Variants in SLC6A11 observed in about 807,000 individuals in gnomAD.
SLC6A11 encodes the protein sodium- and chloride-dependent GABA transporter 3.
SLC6A11 carries 25 observed loss-of-function variants against 74.8 expected under a neutral mutation model. The observed-to-expected ratio is 0.33, with a 90% CI of 0.24 to 0.47. The LOEUF is 0.47. Ranked by LOEUF, SLC6A11 falls within the 20% of genes least tolerant of loss-of-function variation. The pLI, the probability that SLC6A11 is intolerant of heterozygous loss-of-function variation, is 1.00. For synonymous variants in SLC6A11, 330 were observed against 330.2 expected, an observed-to-expected ratio of 1.00 and a Z score of 0.01; for missense variants, 574 against 837.0, an observed-to-expected ratio of 0.69 and a Z score of 3.88.
rs775400339 is a variant in SLC6A11 at position 10,929,283 on chromosome 3, C to T, written c.1315C>T (p.Leu439Phe). 1.2e-6 allele frequency: 2 copies of T among 1,614,136 alleles called. No homozygotes were observed. Among genetic ancestry groups the T allele is most frequent in the Non-Finnish European group, 1.7e-6 (2 of 1,180,002 alleles). Reference sequence around the variant, plus strand: ...CCGGAGGGGTTACCGGCGGGAGCTGCTCATCCTAGCCTTGTCTGTTATCTC... The same window carrying T: ...CCGGAGGGGTTACCGGCGGGAGCTGTTCATCCTAGCCTTGTCTGTTATCTC... ...VFRRGYRREL[L>F]ILALSVISYF... Residue 439 changes from leucine to phenylalanine, a missense_variant, in exon 10 of 14, where the codon CTC (leucine) becomes TTC (phenylalanine). By Grantham distance (22) the Leu-to-Phe change is conservative (BLOSUM62 0). This residue lies in a region of SLC6A11 where 257 missense variants were observed against 341.5 expected (regional missense o/e 0.75). Transcript: ENST00000254488.
intron 6 of SLC6A11, among the ~76,000 whole-genome samples, chr3:10,905,575 G>A (rs1480109813): frequency 6.6e-6 from 1 of 152,188 alleles, no homozygotes; most frequent in Non-Finnish European, 1.5e-5. Context: ...GAGTAACCTA[G>A]CAGTAATTAT....
rs1216313078 is a variant in SLC6A11, at chr3:10,873,807, GCTATCCTATC to G, written c.757-1139_757-1130del. On this transcript the variant is annotated intron_variant, in intron 5 of 13. Coordinates refer to ENST00000254488, the MANE Select transcript of SLC6A11 (RefSeq NM_014229.3). ...CCTATCCTATCCTATCCTATCCTAT[GCTATCCTATC>G]CTATCCTATCCTATAGTATGCTCTG... is the stretch of plus-strand genomic sequence containing the variant. Among the ~76,000 whole-genome samples, 13 of 131,944 alleles carry G rather than the reference GCTATCCTATC, an allele frequency of 9.9e-5. 1 individual carries two copies. Among genetic ancestry groups the G allele is most frequent in the Admixed American group, 6.8e-4 (9 of 13,274 alleles). 86.6% of individuals were successfully genotyped at this position (131,944 alleles called of 152,430 possible).
chr3:10,913,516 T>C (rs539615635), intron 7 of SLC6A11, among the ~76,000 whole-genome samples: 3 of 152,354 alleles, frequency 2.0e-5, no homozygotes, highest in Non-Finnish European at 4.4e-5. Flanking sequence ...TTTAAAAAAT[T>C]GTTAATACAA....
At chr3:10,890,817 C>T (rs189851991) in intron 6 of SLC6A11, among the ~76,000 whole-genome samples, 1 of 152,276 alleles carries the variant, frequency 6.6e-6, no homozygotes, top group East Asian at 1.9e-4. Context: ...CTCTCTTAGT[C>T]TGTGTATTTC....
At chr3:10,862,575 T>G (rs1004716211) in intron 5 of SLC6A11, among the ~76,000 whole-genome samples, 1 of 152,116 alleles carries the variant, frequency 6.6e-6, no homozygotes, top group Non-Finnish European at 1.5e-5. Context: ...TCCTTGGAGG[T>G]GATTTTTCCC....
intron 5 of SLC6A11, among the ~76,000 whole-genome samples, chr3:10,847,798 G>A (rs73035902): frequency 0.083 from 12,678 of 152,162 alleles, 810 homozygotes; most frequent in African/African-American, 0.17. Flanking sequence ...CTTTGGAGAC[G>A]AGCCCAGCAT....
At chr3:10,821,140 A>G (rs762197474) in intron 3 of SLC6A11, among the ~76,000 whole-genome samples, 4 of 152,184 alleles carry the variant, frequency 2.6e-5, no homozygotes, top group Non-Finnish European at 4.4e-5. Context: ...ACTCATAGAA[A>G]TGTTTATCAA....
chr3:10,900,066 TGGGGG>T (rs1401261364), intron 6 of SLC6A11, among the ~76,000 whole-genome samples: 162 of 152,214 alleles, frequency 1.1e-3, no homozygotes, highest in African/African-American at 3.8e-3. Flanking sequence ...TGGGCAGAAA[TGGGGG>T]TTGGATGTGC....
In SLC6A11 at chr3:10,873,440, C is replaced by T. The variant is rs1449107321; in HGVS notation, c.757-1521C>T. ...CTATCCTATCCTATCCTATCCTATC[C>T]TATCCTATCCTATGGCATGCTATCC... is the stretch of plus-strand genomic sequence containing the variant. On this transcript the variant is annotated intron_variant, in intron 5 of 13. Coordinates refer to ENST00000254488, the MANE Select transcript of SLC6A11 (RefSeq NM_014229.3). Among the ~76,000 whole-genome samples, 3 of 151,478 alleles carry T rather than the reference C, an allele frequency of 2.0e-5. No homozygotes were observed. The South Asian group carries it at 6.3e-4, about 32-fold the overall frequency.
At chr3:10,884,900 TTCACTTATCTGCTTTAGTTTGTCAGTCCC>T (rs1695024778) in intron 6 of SLC6A11, among the ~76,000 whole-genome samples, 1 of 152,230 alleles carries the variant, frequency 6.6e-6, no homozygotes, top group African/African-American at 2.4e-5. Flanking sequence ...TTATTCTTTC[TTCACTTATCTGCTTTAGTTTGTCAGTCCC>T]CCACTTTGAG....
chr3:10,855,278 T>C (rs1694625581), intron 5 of SLC6A11, among the ~76,000 whole-genome samples: 1 of 152,136 alleles, frequency 6.6e-6, no homozygotes, highest in Non-Finnish European at 1.5e-5. Context: ...GCTCTAAAGG[T>C]TTAAGTAATG....
At chr3:10,852,677 A>G (rs974454815) in intron 5 of SLC6A11, among the ~76,000 whole-genome samples, 1 of 152,206 alleles carries the variant, frequency 6.6e-6, no homozygotes, top group South Asian at 2.1e-4. Flanking sequence ...GCGCCTGTGC[A>G]GCGCTGTCCC....
intron 6 of SLC6A11, among the ~76,000 whole-genome samples, chr3:10,895,122 G>A (rs1695155356): frequency 6.6e-6 from 1 of 152,166 alleles, no homozygotes; most frequent in Admixed American, 6.5e-5. Flanking sequence ...CAGCCTGGAA[G>A]TGCCCAGTAA....
At chr3:10,825,851 G>A (rs1396304002) in intron 4 of SLC6A11, among the ~76,000 whole-genome samples, 1 of 152,136 alleles carries the variant, frequency 6.6e-6, no homozygotes, top group Non-Finnish European at 1.5e-5. Context: ...GCACAAGTCT[G>A]TGTTTGGGCT....
chr3:10,816,565 G>T lies in SLC6A11; in HGVS notation c.256+44G>T, dbSNP rs761049580. The stretch of plus-strand genomic sequence containing the variant: ...GAAGGGGAGGGGGCGCCAACCGCCC[G>T]GTGGGGGCGGGGAGCCAGGGGCGAG... On this transcript the variant is annotated intron_variant, in intron 1 of 13. Coordinates refer to ENST00000254488, the MANE Select transcript of SLC6A11 (RefSeq NM_014229.3). The surrounding 1 kb of genome is among the most constrained non-coding windows in gnomAD (Gnocchi z 4.2). 5.5e-5 allele frequency: 83 copies of T among 1,512,818 alleles called. No homozygotes were observed. The highest frequency in any genetic ancestry group is 4.7e-4 in the Middle Eastern group (2 of 4,234). The allele number at this position is 1,512,818 out of a possible 1,614,324, so 93.7% of individuals were successfully genotyped here.
rs554875827 is a variant in SLC6A11 at position 10,940,500 on chromosome 3, G to C, written c.*2098G>C. ...CTACTAGTATTTGGGTAACTTTGGGGGTGGGGAGGGCAATGTGGGGGCAGG... is the reference window on the plus strand; with the variant it reads ...CTACTAGTATTTGGGTAACTTTGGGCGTGGGGAGGGCAATGTGGGGGCAGG... On this transcript the variant is annotated 3_prime_UTR_variant, in exon 14 of 14. Coordinates refer to ENST00000254488, the MANE Select transcript of SLC6A11 (RefSeq NM_014229.3). 6.6e-6 allele frequency: 1 copy of C among 152,052 alleles called. No individual in the cohort carries two copies. Among genetic ancestry groups the C allele is most frequent in the Non-Finnish European group, 1.5e-5 (1 of 68,012 alleles). The allele number at this position is 152,052 out of a possible 1,614,324, so 9.4% of individuals were successfully genotyped here. A position where few individuals can be genotyped will look rare whatever the true frequency, so the allele number is the denominator to read the frequency against.
In SLC6A11 at chr3:10,886,044, C is replaced by G. The variant is rs551940031; in HGVS notation, c.891+10949C>G. On this transcript the variant is annotated intron_variant, in intron 6 of 13. Transcript: ENST00000254488. ...CTGCATGCTATGCTCAGACTCAGCT[C>G]TCTGCATGGTGGTCAGGAAGTAGTG... Among the ~76,000 whole-genome samples the G allele has an allele frequency of 1.1e-4, 16 of 152,346 alleles. No homozygotes were observed. In the South Asian group the frequency reaches 3.1e-3, roughly 30 times the overall value.
intron 5 of SLC6A11, among the ~76,000 whole-genome samples, chr3:10,863,874 C>T (rs770894900): frequency 6.6e-5 from 10 of 152,034 alleles, no homozygotes; most frequent in African/African-American, 9.7e-5. Context: ...GGGGTCCGTT[C>T]GGGGCTTCGG....
rs1042704261 is a variant in SLC6A11, at chr3:10,938,980, T to G, written c.*578T>G. Reference sequence around the variant, plus strand: ...CCCCCTCTGCCCTGATCCCATGAAGTGACCTTGGGCACTCCCTTTCCCTCC... The same window carrying G: ...CCCCCTCTGCCCTGATCCCATGAAGGGACCTTGGGCACTCCCTTTCCCTCC... On this transcript the variant is annotated 3_prime_UTR_variant, in exon 14 of 14. Transcript: ENST00000254488. 1.3e-5 allele frequency: 2 copies of G among 152,252 alleles called. No individual in the cohort carries two copies. Among genetic ancestry groups the G allele is most frequent in the Non-Finnish European group, 2.9e-5 (2 of 68,058 alleles). 9.4% of individuals were successfully genotyped at this position (152,252 alleles called of 1,614,324 possible).
Sources: gnomAD v4.1 joint callset for allele counts (sites outside exome capture counted in the v4.1 genomes callset) on GRCh38, gnomAD v4.1.1 for gene constraint, gnomAD v4.1.1 regional missense constraint, Gnocchi (gnomAD v3.1) non-coding constraint, MANE v1.5 for transcripts, NCBI Gene and HGNC (gene_info 2026-07-23, HGNC 2026-07-21) for gene names.